Variants in DMD observed in about 807,000 individuals in gnomAD.
The protein encoded by DMD is mutant dystrophin.
In DMD, 63 loss-of-function variants were observed where a neutral mutation model predicts 330.1. The ratio of observed to expected loss-of-function variants is 0.19; its 90% CI spans 0.16 to 0.24. The LOEUF (loss-of-function observed/expected upper bound fraction) is 0.24, where lower values mean the gene tolerates loss of function less well. Ranked by LOEUF, DMD falls within the 10% of genes least tolerant of loss-of-function variation. The pLI, the probability that DMD is intolerant of heterozygous loss-of-function variation, is 1.00. For missense variants in DMD, 3,344 were observed against 2,684.1 expected (o/e 1.25, Z -5.43); for synonymous variants, 1,223 against 959.8 (o/e 1.27, Z -5.07).
At chrX:32,616,356 T>A (rs1373376708) in intron 11 of DMD, among the ~76,000 whole-genome samples, 2 of 110,466 alleles carry the variant, frequency 1.8e-5, no homozygotes, top group Non-Finnish European at 1.9e-5. Context: ...GTTTTTGGAG[T>A]TTTTTCTGCA....
At position 31,266,966 on chromosome X, in the gene DMD, C is replaced by T. The variant is rs1603268136; in HGVS notation, c.9225-5950G>A. 1.3e-5 allele frequency: 14 copies of T among 1,038,775 alleles called. No individual in the cohort carries two copies. The East Asian group carries it at 4.8e-4, about 35-fold the overall frequency. 85.6% of individuals were successfully genotyped at this position (1,038,775 alleles called of 1,213,427 possible). A position where few individuals can be genotyped will look rare whatever the true frequency, so the allele number is the denominator to read the frequency against. ...GCTGAAAGCACTGCGGAGGAGCCGG[C>T]GCGGGCGGGCCGGGGAGGGGGCGCT... On this transcript the variant is annotated intron_variant, in intron 62 of 78. Transcript: ENST00000357033.
intron 7 of DMD, among the ~76,000 whole-genome samples, chrX:32,773,763 T>C (rs925454360): frequency 1.8e-5 from 2 of 111,576 alleles, no homozygotes; most frequent in African/African-American, 6.5e-5. Flanking sequence ...TTAAAGCTCC[T>C]CTGGAGTGCT....
chrX:32,675,379 A>T (rs1342726556), intron 9 of DMD, among the ~76,000 whole-genome samples: 1 of 111,566 alleles, frequency 9.0e-6, no homozygotes, highest in East Asian at 2.8e-4. Flanking sequence ...TAATGAAGTC[A>T]TCTGTTGATA....
intron 28 of DMD, among the ~76,000 whole-genome samples, chrX:32,440,054 A>T (rs1235452282): frequency 9.0e-6 from 1 of 111,568 alleles, no homozygotes; most frequent in Non-Finnish European, 1.9e-5. Flanking sequence ...TGAAACTGTG[A>T]GAGCAAGAAT....
At chrX:33,287,716 C>T (rs2053454619) in intron 1 of DMD, among the ~76,000 whole-genome samples, 2 of 111,210 alleles carry the variant, frequency 1.8e-5, no homozygotes, top group Admixed American at 1.9e-4. Context: ...AGCACTAGGC[C>T]AGTGCAAAAA....
chrX:32,529,641 A>C (rs1311970388), intron 17 of DMD, among the ~76,000 whole-genome samples: 1 of 110,311 alleles, frequency 9.1e-6, no homozygotes, highest in Non-Finnish European at 1.9e-5. Context: ...TACCTCTCTA[A>C]TTAAAGAGGT....
At chrX:32,632,111 G>T (rs1259601547) in intron 11 of DMD, among the ~76,000 whole-genome samples, 1 of 112,250 alleles carries the variant, frequency 8.9e-6, no homozygotes, top group Non-Finnish European at 1.9e-5. Context: ...TAAGCATTGA[G>T]TCAACACTCC....
chrX:31,810,049 T>TGTACTC (rs2092413856), intron 50 of DMD, among the ~76,000 whole-genome samples: 1 of 89,331 alleles, frequency 1.1e-5, no homozygotes, highest in African/African-American at 3.8e-5. Context: ...GTAAAATATA[T>TGTACTC]GTTCACTTGA....
At chrX:32,994,860 G>A (rs1185094939) in intron 2 of DMD, among the ~76,000 whole-genome samples, 2 of 112,342 alleles carry the variant, frequency 1.8e-5, no homozygotes, top group South Asian at 3.7e-4. Flanking sequence ...CGTGGCTCAC[G>A]CCAGCACTTT....
chrX:32,175,764 A>G (rs1165333915), intron 44 of DMD, among the ~76,000 whole-genome samples: 2 of 111,531 alleles, frequency 1.8e-5, no homozygotes, highest in Non-Finnish European at 3.8e-5. Context: ...TACCTTTTGT[A>G]CATGAAACTC....
intron 44 of DMD, among the ~76,000 whole-genome samples, chrX:32,128,747 G>A (rs1434737775): frequency 8.9e-6 from 1 of 111,788 alleles, no homozygotes; most frequent in African/African-American, 3.3e-5. Context: ...TATCACATAA[G>A]GAAAATATGT....
chrX:32,796,081 G>C (rs1050171584), intron 7 of DMD, among the ~76,000 whole-genome samples: 3 of 104,956 alleles, frequency 2.9e-5, no homozygotes, highest in Non-Finnish European at 5.9e-5. Flanking sequence ...CATAGAAATA[G>C]AGTATGTGTC....
chrX:31,168,587 G>A (rs1036425874), intron 74 of DMD, among the ~76,000 whole-genome samples: 1 of 111,812 alleles, frequency 8.9e-6, no homozygotes, highest in African/African-American at 3.2e-5. Context: ...CCTACGTTAA[G>A]AGCTTTTGGT....
chrX:32,895,460 C>T (rs1373934150), intron 2 of DMD, among the ~76,000 whole-genome samples: 1 of 111,608 alleles, frequency 9.0e-6, no homozygotes, highest in Non-Finnish European at 1.9e-5. Flanking sequence ...AATCTTCCTT[C>T]GTGTAGGAGT....
intron 7 of DMD, among the ~76,000 whole-genome samples, chrX:32,747,517 G>C (rs1186959273): frequency 9.0e-6 from 1 of 111,690 alleles, no homozygotes; most frequent in African/African-American, 3.3e-5. Flanking sequence ...ATCTCACTCT[G>C]TTGTCCAGGC....
At chrX:32,280,004 C>T (rs192180001) in intron 43 of DMD, among the ~76,000 whole-genome samples, 5 of 61,687 alleles carry the variant, frequency 8.1e-5, no homozygotes, top group South Asian at 7.0e-4. Flanking sequence ...ATATGTACCC[C>T]ACATATATAT....
At chrX:32,361,090 C>A (rs2097831957) in intron 37 of DMD, among the ~76,000 whole-genome samples, 1 of 110,469 alleles carries the variant, frequency 9.1e-6, no homozygotes, top group Non-Finnish European at 1.9e-5. Flanking sequence ...AAAGATAATA[C>A]CTTATTTTCT....
At chrX:31,986,407 T>C (rs147632829) in intron 44 of DMD, among the ~76,000 whole-genome samples, 201 of 110,851 alleles carry the variant, frequency 1.8e-3, no homozygotes, top group African/African-American at 6.2e-3. Context: ...GGTGCTTTTT[T>C]GTTTGTTTGT....
At chrX:32,228,602 T>G (rs976707495) in intron 43 of DMD, among the ~76,000 whole-genome samples, 7 of 111,599 alleles carry the variant, frequency 6.3e-5, no homozygotes, top group Non-Finnish European at 1.3e-4. Flanking sequence ...TTTAAATTTC[T>G]TAATAAGTTT....
Sources: allele counts gnomAD v4.1 joint callset (sites outside exome capture counted in the v4.1 genomes callset), GRCh38; gene constraint gnomAD v4.1.1; transcripts MANE v1.5; gene names NCBI Gene and HGNC (gene_info 2026-07-23, HGNC 2026-07-21).